Variants in SCARB1 observed in about 807,000 individuals in gnomAD.
The protein encoded by SCARB1 is scavenger receptor class B member 1.
In SCARB1, 30 loss-of-function variants were observed where a neutral mutation model predicts 57.2. That is an observed-to-expected ratio of 0.52 (90% CI 0.39 to 0.71). The LOEUF (loss-of-function observed/expected upper bound fraction) is 0.71, where lower values mean the gene tolerates loss of function less well. SCARB1 is among the 30% of genes least tolerant of loss of function. The probability of loss-of-function intolerance (pLI) is 0.00; values close to 1 mark genes in which losing one functional copy is unlikely to be tolerated. For missense variants in SCARB1, 543 were observed against 671.2 expected, an observed-to-expected ratio of 0.81 and a Z score of 2.11; for synonymous variants, 249 against 268.3, an observed-to-expected ratio of 0.93 and a Z score of 0.70.
In SCARB1 at chr12:124,821,671, C is replaced by T. The variant is rs563060527; in HGVS notation, c.127-3964G>A. 5.0e-5 allele frequency: 20 copies of T among 398,076 alleles called. No individual in the cohort carries two copies. In the South Asian group the frequency reaches 1.1e-3, roughly 23 times the overall value. 24.7% of individuals were successfully genotyped at this position (398,076 alleles called of 1,614,324 possible). A position where few individuals can be genotyped will look rare whatever the true frequency, so the allele number is the denominator to read the frequency against. Reference sequence around the variant, plus strand: ...CATACAATGGGCGTAAGGAGAGTGTCGCCTCATGGGCTGCTGTGAGGTTTG... The same window carrying T: ...CATACAATGGGCGTAAGGAGAGTGTTGCCTCATGGGCTGCTGTGAGGTTTG... On this transcript the variant is annotated intron_variant, in intron 1 of 12. Coordinates refer to ENST00000261693, the MANE Select transcript of SCARB1 (RefSeq NM_005505.5).
chr12:124,803,070 C>T (rs546326874), intron 7 of SCARB1, among the ~76,000 whole-genome samples: 1 of 152,276 alleles, frequency 6.6e-6, no homozygotes, highest in East Asian at 1.9e-4. Flanking sequence ...ACGTCACGGA[C>T]GAATTGCACC....
intron 1 of SCARB1, among the ~76,000 whole-genome samples, chr12:124,850,806 C>G (rs1262465722): frequency 6.6e-6 from 1 of 152,232 alleles, no homozygotes; most frequent in Non-Finnish European, 1.5e-5. Context: ...CAGCCAGAGA[C>G]AGTGAAAGGC....
At chr12:124,802,817 G>A (rs1419619778) in intron 7 of SCARB1, among the ~76,000 whole-genome samples, 1 of 152,238 alleles carries the variant, frequency 6.6e-6, no homozygotes, top group African/African-American at 2.4e-5. Flanking sequence ...GGTTTGAGAT[G>A]AGGGAGTTGT....
intron 1 of SCARB1, among the ~76,000 whole-genome samples, chr12:124,834,888 A>G (rs970870905): frequency 3.9e-5 from 6 of 152,292 alleles, no homozygotes; most frequent in African/African-American, 1.4e-4. Context: ...AGGCTGCACA[A>G]CAGAGCAAGA....
At position 124,810,059 on chromosome 12, in the gene SCARB1, C is replaced by G. The variant is rs1410681479; in HGVS notation, c.842+115G>C. The G allele has an allele frequency of 2.8e-6, 2 of 721,554 alleles. No individual in the cohort carries two copies. Among genetic ancestry groups the G allele is most frequent in the Non-Finnish European group, 5.0e-6 (2 of 402,880 alleles). 44.7% of individuals were successfully genotyped at this position (721,554 alleles called of 1,614,324 possible). A position where few individuals can be genotyped will look rare whatever the true frequency, so the allele number is the denominator to read the frequency against. ...AGAGAATTCAAGCTGGTGCCAAGGG[C>G]TACTGAGTCAAATCCACGATGAGTC... On this transcript the variant is annotated intron_variant, in intron 6 of 12. Coordinates refer to ENST00000261693, the MANE Select transcript of SCARB1 (RefSeq NM_005505.5). The surrounding 1 kb of genome is among the most constrained non-coding windows in gnomAD (Gnocchi z 4.0).
At chr12:124,785,932 T>C (rs1372716029) in intron 11 of SCARB1, 4 of 832,018 alleles carry the variant, frequency 4.8e-6, no homozygotes, top group Non-Finnish European at 7.2e-6. Flanking sequence ...ATTTACTTGG[T>C]TTTCATCTGT....
At chr12:124,813,950 T>C (rs1215452914) in intron 4 of SCARB1, among the ~76,000 whole-genome samples, 1 of 152,184 alleles carries the variant, frequency 6.6e-6, no homozygotes, top group Non-Finnish European at 1.5e-5. Context: ...TTTGCTAAGC[T>C]AAGGCCCAGT....
At chr12:124,801,695 G>A (rs1566161783) in intron 7 of SCARB1, among the ~76,000 whole-genome samples, 1 of 151,860 alleles carries the variant, frequency 6.6e-6, no homozygotes, top group Non-Finnish European at 1.5e-5. Context: ...CAGGAGAATT[G>A]CTTGAACCTG....
chr12:124,803,921 TA>T (rs1454889518), intron 7 of SCARB1, among the ~76,000 whole-genome samples: 1 of 152,144 alleles, frequency 6.6e-6, no homozygotes, highest in East Asian at 1.9e-4. Flanking sequence ...TCTATTTAAA[TA>T]AAGATTTTAA....
At chr12:124,811,710 T>TA (rs1950534179) in intron 5 of SCARB1, among the ~76,000 whole-genome samples, 160 bp downstream of exon 5, 1 of 151,670 alleles carries the variant, frequency 6.6e-6, no homozygotes. Context: ...TAACCAGAGG[T>TA]AAAATCCCTC....
intron 9 of SCARB1, among the ~76,000 whole-genome samples, chr12:124,792,721 C>CA (rs930596389): frequency 0.074 from 2,282 of 30,910 alleles, 88 homozygotes; most frequent in Non-Finnish European, 0.095. Context: ...GACTTCGTCT[C>CA]AAAAAAAAAA....
Position 124,811,123 on chromosome 12 carries a change from C to T in SCARB1, c.726+747G>A, listed in dbSNP as rs558540651. 2.9e-4 allele frequency among the ~76,000 whole-genome samples: 44 copies of T among 152,350 alleles called. 1 individual carries two copies. Among genetic ancestry groups the T allele is most frequent in the East Asian group, 1.9e-3 (10 of 5,188 alleles). On this transcript the variant is annotated intron_variant, in intron 5 of 12. Coordinates refer to ENST00000261693, the MANE Select transcript of SCARB1 (RefSeq NM_005505.5). ...GAAGAAACAATTCCGTATTTCTCTG[C>T]GTACATATAGGTGTGCACATGGGTA...
chr12:124,817,387 A>G lies in SCARB1; in HGVS notation c.284+163T>C, dbSNP rs1318183783. On this transcript the variant is annotated intron_variant, in intron 2 of 12. Transcript: ENST00000261693. This position sits in a 1 kb window ranked among gnomAD's most constrained non-coding sequence, Gnocchi z 4.8. ...AAAAAAAAAAAAAAAAAACCCTAAA[A>G]CAAAAACTTCTCTGGGACTAGCACT... Among the ~76,000 whole-genome samples the G allele has an allele frequency of 6.7e-6, 1 of 149,850 alleles. No individual in the cohort carries two copies. The highest frequency in any genetic ancestry group is 1.5e-5 in the Non-Finnish European group (1 of 67,538).
chr12:124,821,526 G>C, intron 1 of SCARB1: 1 of 984,986 alleles, frequency 1.0e-6, no homozygotes, highest in Non-Finnish European at 1.2e-6. Context: ...TCAGGCCCTG[G>C]GTTTCAGCCC....
chr12:124,832,082 G>C (rs983823503), intron 1 of SCARB1, among the ~76,000 whole-genome samples: 2 of 152,190 alleles, frequency 1.3e-5, no homozygotes, highest in African/African-American at 4.8e-5. Flanking sequence ...ATCCTGTCTG[G>C]ATGTTAGTTA....
intron 7 of SCARB1, among the ~76,000 whole-genome samples, chr12:124,803,689 CAAAAAAAAAAAAAA>C (rs58564503): frequency 4.2e-5 from 2 of 47,702 alleles, no homozygotes; most frequent in Admixed American, 2.1e-4. Flanking sequence ...CCCACCTCTA[CAAAAAAAAAAAAAA>C]AAAAAAAAAA....
chr12:124,851,421 G>T (rs1289257827), intron 1 of SCARB1, among the ~76,000 whole-genome samples: 1 of 151,222 alleles, frequency 6.6e-6, no homozygotes, highest in African/African-American at 2.4e-5. Context: ...ACTTATGAGG[G>T]TCACTGCTGT....
intron 1 of SCARB1, among the ~76,000 whole-genome samples, chr12:124,854,210 C>T (rs1010759435): frequency 6.6e-6 from 1 of 152,196 alleles, no homozygotes; most frequent in South Asian, 2.1e-4. Flanking sequence ...AGGGGAGGGT[C>T]TCCGTGAGCA....
intron 7 of SCARB1, among the ~76,000 whole-genome samples, chr12:124,804,201 C>G (rs547040543): frequency 6.6e-6 from 1 of 152,214 alleles, no homozygotes; most frequent in Non-Finnish European, 1.5e-5. Context: ...GGCATGGGAG[C>G]CAGGCAGACC....
Sources: gnomAD v4.1 joint callset for allele counts (sites outside exome capture counted in the v4.1 genomes callset) on GRCh38, gnomAD v4.1.1 for gene constraint, Gnocchi (gnomAD v3.1) non-coding constraint, MANE v1.5 for transcripts, NCBI Gene and HGNC (gene_info 2026-07-23, HGNC 2026-07-21) for gene names.